Variants in RPS6KB2 observed in about 807,000 individuals in gnomAD.
RPS6KB2 encodes the protein ribosomal protein S6 kinase B2.
In RPS6KB2, 51 loss-of-function variants were observed where a neutral mutation model predicts 58.2. The ratio of observed to expected loss-of-function variants is 0.88; its 90% confidence interval spans 0.70 to 1.11. The LOEUF (loss-of-function observed/expected upper bound fraction) is 1.11, where lower values mean the gene tolerates loss of function less well. Among genes scored for constraint, RPS6KB2 ranks in the 50% least tolerant of loss-of-function variants. The pLI is 0.00. For missense variants in RPS6KB2, 671 were observed against 655.8 expected (o/e 1.02, Z -0.25); for synonymous variants, 293 against 258.6 (o/e 1.13, Z -1.28).
At chr11:67,432,130 G>C (rs1395920688) in intron 5 of RPS6KB2, 1 of 363,172 alleles carries the variant, frequency 2.8e-6, no homozygotes, top group Non-Finnish European at 5.4e-6. Context: ...TCCCTCGTTT[G>C]GGCCAGATGA....
intron 2 of RPS6KB2, 45 bp downstream of exon 2, chr11:67,429,067 G>A (rs1863938482): frequency 1.2e-6 from 2 of 1,613,620 alleles, no homozygotes; most frequent in Non-Finnish European, 1.7e-6. Flanking sequence ...GAGTGGGGAA[G>A]GGGAACTGGG....
chr11:67,433,900 C>T, intron 10 of RPS6KB2, 95 bp from the exon 11 acceptor site: 1 of 1,388,054 alleles, frequency 7.2e-7, no homozygotes, highest in East Asian at 2.4e-5. Flanking sequence ...GCATTCTCTC[C>T]CATGTCACCT....
intron 8 of RPS6KB2, 27 bp downstream of exon 8, chr11:67,433,069 G>A (rs763908446): frequency 1.2e-6 from 2 of 1,612,670 alleles, no homozygotes; most frequent in Non-Finnish European, 1.7e-6. Flanking sequence ...TGGCCCAGGG[G>A]TCGGGAGGAC....
chr11:67,428,665 C>T lies in RPS6KB2; in HGVS notation c.78+42C>T, dbSNP rs373778588. On this transcript the variant is annotated intron_variant, in intron 1 of 14. Coordinates refer to ENST00000312629, the MANE Select transcript of RPS6KB2 (RefSeq NM_003952.3). ...GGCGCGACTGGATCCTGGAGCCGAT[C>T]CTGTCACCCAGCCGAGGCCGGAGCG... 1.9e-6 allele frequency: 3 copies of T among 1,563,558 alleles called. No homozygotes were observed. The South Asian group carries it at 3.4e-5, about 18-fold the overall frequency.
Position 67,434,490 on chromosome 11 carries a change from T to C in RPS6KB2, c.1155+6T>C. 6.2e-7 allele frequency: 1 copy of C among 1,608,630 alleles called. No individual in the cohort carries two copies. Among genetic ancestry groups the C allele is most frequent in the Non-Finnish European group, 8.5e-7 (1 of 1,177,344 alleles). On this transcript the variant is annotated splice_donor_region_variant and intron_variant, in intron 13 of 14. Coordinates refer to ENST00000312629, the MANE Select transcript of RPS6KB2 (RefSeq NM_003952.3). ...GTGCCAACCAGGCCTTCCTGGTGAG[T>C]GCGGGGGCCTGAGGCCTGTGGGACC...
Position 67,428,685 on chromosome 11 carries a change from G to A in RPS6KB2, c.78+62G>A, listed in dbSNP as rs1228350518. ...CCGATCCTGTCACCCAGCCGAGGCC[G>A]GAGCGGCGGCTCCGCACGCCCAGAG... On this transcript the variant is annotated intron_variant, in intron 1 of 14. Coordinates refer to ENST00000312629, the MANE Select transcript of RPS6KB2 (RefSeq NM_003952.3). The A allele has an allele frequency of 4.0e-6, 6 of 1,485,588 alleles. No homozygotes were observed. In the Admixed American group the frequency reaches 1.3e-4, roughly 31 times the overall value. The allele number at this position is 1,485,588 out of a possible 1,614,324, so 92.0% of individuals were successfully genotyped here.
At position 67,431,467 on chromosome 11, in the gene RPS6KB2, G is replaced by T. The variant is rs771079656; in HGVS notation, c.409G>T (p.Ala137Ser). Residue 137 changes from alanine (A) to serine (S), a missense_variant, in exon 5 of 15, where the codon GCC (alanine) becomes TCC (serine). By Grantham distance (99) the Ala-to-Ser change is moderately conservative. Coordinates refer to ENST00000312629, the MANE Select transcript of RPS6KB2 (RefSeq NM_003952.3). ...KHPFIVELAYAFQTGGKLYLI... is the reference protein window; with the variant it reads ...KHPFIVELAYSFQTGGKLYLI... Reference sequence around the variant, plus strand: ...CCCCTTTATTGTGGAACTGGCCTATGCCTTCCAGACTGGTGGCAAACTCTA... The same window carrying T: ...CCCCTTTATTGTGGAACTGGCCTATTCCTTCCAGACTGGTGGCAAACTCTA... 3 of 1,614,144 alleles carry T rather than the reference G, an allele frequency of 1.9e-6. No homozygotes were observed. The South Asian group carries it at 3.3e-5, about 18-fold the overall frequency.
intron 14 of RPS6KB2, 106 bp from the exon 15 acceptor site, chr11:67,434,883 G>A (rs770800442): frequency 2.5e-6 from 3 of 1,184,052 alleles, no homozygotes; most frequent in South Asian, 1.4e-5. Context: ...TGGAGCCCGC[G>A]GCCTGTGTGC....
chr11:67,434,938 G>T, intron 14 of RPS6KB2, 51 bp from the exon 15 acceptor site: 1 of 1,537,580 alleles, frequency 6.5e-7, no homozygotes, highest in African/African-American at 1.4e-5. Context: ...AGTGCTGGGA[G>T]CCTCTGGCAG....
chr11:67,431,757 C>G (rs1266899125), intron 5 of RPS6KB2: 2 of 485,786 alleles, frequency 4.1e-6, no homozygotes, highest in African/African-American at 2.0e-5. Context: ...GGGCATGGTG[C>G]GAATTTGGAT....
Position 67,435,275 on chromosome 11 carries a change from G to A in RPS6KB2, c.*106G>A, listed in dbSNP as rs549720526. 6.7e-6 allele frequency: 7 copies of A among 1,045,604 alleles called. No homozygotes were observed. The Admixed American group carries it at 2.0e-4, about 30-fold the overall frequency. 64.8% of individuals were successfully genotyped at this position (1,045,604 alleles called of 1,614,324 possible). On this transcript the variant is annotated 3_prime_UTR_variant, in exon 15 of 15. Transcript: ENST00000312629. The stretch of plus-strand genomic sequence containing the variant: ...AGACCTGGGGGTGTGTCTGGGGGTG[G>A]GGTGTGAGTGCGTATGAAAGTGTGT...
Position 67,435,214 on chromosome 11 carries a change from G to A in RPS6KB2, c.*45G>A, listed in dbSNP as rs748536812. On this transcript the variant is annotated 3_prime_UTR_variant, in exon 15 of 15. Transcript: ENST00000312629. ...GGTAGCCCTTGAGCCCTGTCCCTGC[G>A]GCTGTGAGAGCAGCAGGACCCTGGG... The A allele has an allele frequency of 1.7e-5, 25 of 1,463,118 alleles. No individual in the cohort carries two copies. The highest frequency in any genetic ancestry group is 2.4e-4 in the Middle Eastern group (1 of 4,168). 90.6% of individuals were successfully genotyped at this position (1,463,118 alleles called of 1,614,324 possible).
intron 4 of RPS6KB2, 193 bp from the exon 5 acceptor site, chr11:67,431,175 G>T (rs1049990283): frequency 2.1e-6 from 1 of 487,346 alleles, no homozygotes. Flanking sequence ...GATTACAGGC[G>T]TGTACCATCA....
rs766436345 is a variant in RPS6KB2 at position 67,433,246 on chromosome 11, G to T, written c.798+30G>T. 3 of 1,605,888 alleles carry T rather than the reference G, an allele frequency of 1.9e-6. No individual in the cohort carries two copies. In the Admixed American group the frequency reaches 5.0e-5, roughly 27 times the overall value. On this transcript the variant is annotated intron_variant, in intron 9 of 14. Transcript: ENST00000312629. ...GTCCAGCCCCCGGGGAGGAGGAGGG[G>T]CAGGGGCAGAGGTGGGAGTAGCCCC...
At position 67,432,947 on chromosome 11, in the gene RPS6KB2, C is replaced by T. The variant is rs762251710; in HGVS notation, c.617-5C>T. On this transcript the variant is annotated splice_polypyrimidine_tract_variant and splice_region_variant and intron_variant, in intron 7 of 14. Coordinates refer to ENST00000312629, the MANE Select transcript of RPS6KB2 (RefSeq NM_003952.3). ...TGGTCACGCCTCTCCAACACCCTTC[C>T]TCAGGCCACATCAAACTGACCGACT... 11 of 1,613,162 alleles carry T rather than the reference C, an allele frequency of 6.8e-6. No individual in the cohort carries two copies. The highest frequency in any genetic ancestry group is 1.1e-5 in the South Asian group (1 of 91,088).
At position 67,428,965 on chromosome 11, in the gene RPS6KB2, C is replaced by T. The variant is rs1240363813; in HGVS notation, c.79-17C>T. 7.4e-6 allele frequency: 12 copies of T among 1,613,918 alleles called. No individual in the cohort carries two copies. The highest frequency in any genetic ancestry group is 1.0e-5 in the Non-Finnish European group (12 of 1,180,018). On this transcript the variant is annotated splice_polypyrimidine_tract_variant and intron_variant, in intron 1 of 14. Transcript: ENST00000312629. The stretch of plus-strand genomic sequence containing the variant: ...TCCTGGCACCTTCCTTGGCTCTTAC[C>T]CCTCGGTTTCTCACAGGACGCATGT...
intron 5 of RPS6KB2, 135 bp downstream of exon 5, chr11:67,431,650 A>G: frequency 1.6e-6 from 1 of 642,672 alleles, no homozygotes; most frequent in East Asian, 2.9e-5. Context: ...TGTCCTACCC[A>G]TCCATCCATC....
At position 67,431,548 on chromosome 11, in the gene RPS6KB2, G is replaced by A. The variant is rs764183204; in HGVS notation, c.457+33G>A. The A allele has an allele frequency of 1.3e-5, 21 of 1,604,844 alleles. No individual in the cohort carries two copies. In the East Asian group the frequency reaches 4.5e-4, roughly 34 times the overall value. ...TGCGGGCCCAGGCAGGGGTGCTGGG[G>A]GTCGCGGGGGGGCAGCGAGCCAGCA... On this transcript the variant is annotated intron_variant, in intron 5 of 14. Transcript: ENST00000312629.
chr11:67,434,476 G>T lies in RPS6KB2; in HGVS notation c.1147G>T (p.Ala383Ser), dbSNP rs201713248. 94 of 1,612,028 alleles carry T rather than the reference G, an allele frequency of 5.8e-5. No individual in the cohort carries two copies. Among genetic ancestry groups the T allele is most frequent in the Admixed American group, 3.3e-4 (20 of 60,022 alleles). ...DTALSESANQ[A>S]FLGFTYVAPS... ...AGCCCTCAGCGAGAGTGCCAACCAG[G>T]CCTTCCTGGTGAGTGCGGGGGCCTG... The change falls in exon 13 of 15, where the codon GCC (alanine) becomes TCC (serine). Residue 383 changes from alanine (A) to serine (S), a missense_variant. Transcript: ENST00000312629.
Sources: allele counts gnomAD v4.1 joint callset, GRCh38; gene constraint gnomAD v4.1.1; transcripts MANE v1.5; gene names NCBI Gene and HGNC (gene_info 2026-07-23, HGNC 2026-07-21).